Variants in ECE1 observed in about 807,000 individuals in gnomAD.
The protein encoded by ECE1 is endothelin converting enzyme 1, also known as endothelin-converting enzyme 1.
A neutral mutation model predicts 98.6 loss-of-function variants in ECE1; 35 were observed. The observed-to-expected ratio is 0.35, with a 90% CI of 0.27 to 0.47. ECE1 has a LOEUF of 0.47. Ranked by LOEUF, ECE1 falls within the 20% of genes least tolerant of loss-of-function variation. The probability of loss-of-function intolerance (pLI) is 1.00; values close to 1 mark genes in which losing one functional copy is unlikely to be tolerated. For synonymous variants in ECE1, 394 were observed against 407.1 expected, an observed-to-expected ratio of 0.97 and a Z score of 0.39; for missense variants, 814 against 1,025.3, an observed-to-expected ratio of 0.79 and a Z score of 2.81.
rs1184034269 is a variant in ECE1 at position 21,225,307 on chromosome 1, C to T, written c.1983G>A (p.Gly661=). The stretch of plus-strand genomic sequence containing the variant: ...CGATGTTCTCCCCCAGGGTGTGCCG[C>T]CCGTTCACCGGCTCCCCGTTCACGC... ...NYSVNGEPVN[G]RHTLGENIAD... Residue 661 remains glycine, a synonymous_variant, in exon 17 of 19, where the codon GGG becomes GGA. Transcript: ENST00000374893. The surrounding 1 kb of genome is among the most constrained non-coding windows in gnomAD (Gnocchi z 5.3). 2 of 1,614,112 alleles carry T rather than the reference C, an allele frequency of 1.2e-6. No individual in the cohort carries two copies. Among genetic ancestry groups the T allele is most frequent in the Non-Finnish European group, 1.7e-6 (2 of 1,180,042 alleles).
chr1:21,335,197 C>G (rs541247899), intron 1 of ECE1, among the ~76,000 whole-genome samples: 56 of 152,186 alleles, frequency 3.7e-4, no homozygotes, highest in African/African-American at 1.2e-3. Flanking sequence ...CCGGCTGCCC[C>G]CTCCTCAACC....
chr1:21,282,968 G>A (rs2098256604), intron 2 of ECE1, among the ~76,000 whole-genome samples: 1 of 128,546 alleles, frequency 7.8e-6, no homozygotes, highest in Non-Finnish European at 1.6e-5. Flanking sequence ...TTGAGACGGA[G>A]TCTTGCTTTC....
chr1:21,242,957 T>C (rs1379092463), intron 10 of ECE1, among the ~76,000 whole-genome samples: 1 of 152,226 alleles, frequency 6.6e-6, no homozygotes, highest in East Asian at 1.9e-4. Flanking sequence ...AGAACTTTTT[T>C]ATCTTGCAAA....
At chr1:21,257,698 C>T in intron 6 of ECE1, 108 bp from the exon 7 acceptor site, 3 of 1,190,364 alleles carry the variant, frequency 2.5e-6, no homozygotes, top group South Asian at 2.5e-5. Flanking sequence ...AGGCCCAGCT[C>T]AGGCCCTTGG....
intron 8 of ECE1, among the ~76,000 whole-genome samples, chr1:21,253,034 ATTATT>A (rs149724130): frequency 0.55 from 81,048 of 147,584 alleles, 23,399 homozygotes; most frequent in African/African-American, 0.73. Flanking sequence ...GGACTTCTTT[ATTATT>A]TTATTTTATT....
At chr1:21,325,429 C>T (rs1639056774) in intron 1 of ECE1, among the ~76,000 whole-genome samples, 1 of 152,234 alleles carries the variant, frequency 6.6e-6, no homozygotes. Flanking sequence ...AGCTGCCTGT[C>T]CCCACACCAG....
chr1:21,272,724 G>A lies in ECE1; in HGVS notation c.468C>T (p.Asn156=), dbSNP rs763748808. The A allele has an allele frequency of 1.2e-6, 2 of 1,614,140 alleles. No homozygotes were observed. The highest frequency in any genetic ancestry group is 2.7e-5 in the African/African-American group (2 of 74,944). ...CGAGGAGGTGCTTGATGATTGCTTG[G>A]TTGTGTTCCCAGAGGTTGCTGAAGG... is the stretch of plus-strand genomic sequence containing the variant. ...WGTFSNLWEH[N]QAIIKHLLEN... The change falls in exon 4 of 19, where the codon AAC becomes AAT. Residue 156 remains asparagine, a synonymous_variant. Transcript: ENST00000374893.
intron 1 of ECE1, among the ~76,000 whole-genome samples, chr1:21,323,751 G>T (rs192063058): frequency 1.3e-5 from 2 of 151,952 alleles, no homozygotes; most frequent in Admixed American, 1.3e-4. Context: ...TAGACTGTGG[G>T]AGGGGCTAAG....
intron 3 of ECE1, 95 bp from the exon 4 acceptor site, chr1:21,273,006 C>T (rs555314400): frequency 2.2e-6 from 3 of 1,348,706 alleles, no homozygotes; most frequent in South Asian, 1.2e-5. Context: ...GCCACATGTC[C>T]CACCCTGGCC....
At chr1:21,246,498 C>CAAAAA (rs368916726) in intron 9 of ECE1, among the ~76,000 whole-genome samples, 17 of 96,322 alleles carry the variant, frequency 1.8e-4, no homozygotes, top group East Asian at 5.2e-4. Flanking sequence ...GACTCCATCT[C>CAAAAA]AAAAAAAAAA....
chr1:21,317,483 G>A (rs1173167576), intron 1 of ECE1, among the ~76,000 whole-genome samples: 1 of 152,208 alleles, frequency 6.6e-6, no homozygotes, highest in Non-Finnish European at 1.5e-5. Flanking sequence ...CCGCGGCGAC[G>A]CTGAGCTGGT....
In ECE1 at chr1:21,319,494, C is replaced by T. The variant is rs1395499423; in HGVS notation, c.3+25882G>A. 6.6e-6 allele frequency among the ~76,000 whole-genome samples: 1 copy of T among 152,162 alleles called. No individual in the cohort carries two copies. Among genetic ancestry groups the T allele is most frequent in the African/African-American group, 2.4e-5 (1 of 41,426 alleles). On this transcript the variant is annotated intron_variant, in intron 1 of 18. Transcript: ENST00000415912. This position sits in a 1 kb window ranked among gnomAD's most constrained non-coding sequence, Gnocchi z 4.4. ...TGCCGGCTCCATGCTGCCCCCACCTCTGTCCACCAGGGCACCCCCGGCACC... is the reference window on the plus strand; with the variant it reads ...TGCCGGCTCCATGCTGCCCCCACCTTTGTCCACCAGGGCACCCCCGGCACC...
At chr1:21,305,699 C>T (rs1033377224) in intron 1 of ECE1, among the ~76,000 whole-genome samples, 2 of 151,982 alleles carry the variant, frequency 1.3e-5, no homozygotes, top group African/African-American at 2.4e-5. Context: ...AGGGCGGGTA[C>T]GGGTGGTAAA....
At chr1:21,251,520 A>C (rs1360118004) in intron 8 of ECE1, among the ~76,000 whole-genome samples, 1 of 152,222 alleles carries the variant, frequency 6.6e-6, no homozygotes, top group Non-Finnish European at 1.5e-5. Context: ...GTCTCAAAAC[A>C]AAAACAAAAA....
chr1:21,294,502 C>A (rs1067236), upstream of ECE1: 6,441 of 152,598 alleles, frequency 0.042, 461 homozygotes, highest in African/African-American at 0.14. The surrounding 1 kb of genome is among the most constrained non-coding windows in gnomAD (Gnocchi z 4.2). Flanking sequence ...TGGACTGCCC[C>A]GTCCTCAGTC....
chr1:21,229,669 GT>G (rs2098179241), intron 14 of ECE1, among the ~76,000 whole-genome samples: 2 of 152,248 alleles, frequency 1.3e-5, no homozygotes, highest in Admixed American at 1.3e-4. Context: ...ATAATGGAAG[GT>G]TTTTCTCAAG....
At chr1:21,339,736 C>T (rs1558440187) in intron 1 of ECE1, among the ~76,000 whole-genome samples, 3 of 152,336 alleles carry the variant, frequency 2.0e-5, no homozygotes, top group East Asian at 3.9e-4. Context: ...CCCACCTAGC[C>T]GATTTCCTGA....
chr1:21,250,798 G>A (rs2098211731), intron 8 of ECE1, among the ~76,000 whole-genome samples: 1 of 151,868 alleles, frequency 6.6e-6, no homozygotes, highest in Non-Finnish European at 1.5e-5. Context: ...ACGAGGTCAG[G>A]AAAGGGAGAC....
At chr1:21,271,130 C>A (rs2098239730) in intron 4 of ECE1, among the ~76,000 whole-genome samples, 1 of 152,180 alleles carries the variant, frequency 6.6e-6, no homozygotes, top group African/African-American at 2.4e-5. Flanking sequence ...GAGCTTCAAC[C>A]CTACCTCCAT....
Sources: allele counts gnomAD v4.1 joint callset (sites outside exome capture counted in the v4.1 genomes callset), GRCh38; gene constraint gnomAD v4.1.1; non-coding constraint Gnocchi (gnomAD v3.1); transcripts MANE v1.5; gene names NCBI Gene and HGNC (gene_info 2026-07-23, HGNC 2026-07-21).